ACE: variants seen among roughly 807,000 people sequenced by gnomAD.
ACE encodes the protein angiotensin I converting enzyme.
A neutral mutation model predicts 162.3 loss-of-function variants in ACE; 122 were observed. The observed-to-expected ratio is 0.75, with a 90% confidence interval of 0.65 to 0.87. The LOEUF is 0.87. Among genes scored for constraint, ACE ranks in the 40% least tolerant of loss-of-function variants. The pLI, the probability that ACE is intolerant of heterozygous loss-of-function variation, is 0.00. For missense variants in ACE, 1,799 were observed against 1,735.1 expected, an observed-to-expected ratio of 1.04 and a Z score of -0.65; for synonymous variants, 796 against 720.6, an observed-to-expected ratio of 1.10 and a Z score of -1.68.
chr17:63,497,532 G>T lies in ACE; in HGVS notation c.*166G>T, dbSNP rs1371273173. 7 of 723,628 alleles carry T rather than the reference G, an allele frequency of 9.7e-6. No homozygotes were observed. Among genetic ancestry groups the T allele is most frequent in the African/African-American group, 1.7e-5 (1 of 57,222 alleles). The allele number at this position is 723,628 out of a possible 1,614,324, so 44.8% of individuals were successfully genotyped here. A position where few individuals can be genotyped will look rare whatever the true frequency, so the allele number is the denominator to read the frequency against. ...GTCCTCCAGACCACCAGCCGCCCCA[G>T]CCCCTTCTCCCAGCACACGGCTGCC... On this transcript the variant is annotated 3_prime_UTR_variant, in exon 25 of 25. Coordinates refer to ENST00000290866, the MANE Select transcript of ACE (RefSeq NM_000789.4).
At chr17:63,480,313 C>G in intron 4 of ACE, 24 bp from the exon 5 acceptor site, 1 of 1,612,668 alleles carries the variant, frequency 6.2e-7, no homozygotes, top group Non-Finnish European at 8.5e-7. Context: ...GCCTGAGCTA[C>G]ATACCTCACC....
Position 63,477,265 on chromosome 17 carries a change from C to A in ACE, c.171C>A (p.Ala57=). Reference sequence around the variant, plus strand: ...TCGCGCAGAGCTACAACTCCAGCGCCGAACAGGTGCTGTTCCAGAGCGTGG... The same window carrying A: ...TCGCGCAGAGCTACAACTCCAGCGCAGAACAGGTGCTGTTCCAGAGCGTGG... The part of the protein sequence containing the change: ...QLFAQSYNSS[A]EQVLFQSVAA... Residue 57 remains alanine, a synonymous_variant, in exon 1 of 25, where the codon GCC becomes GCA. Transcript: ENST00000290866. The A allele has an allele frequency of 1.3e-6, 2 of 1,494,738 alleles. No homozygotes were observed. Among genetic ancestry groups the A allele is most frequent in the East Asian group, 2.9e-5 (1 of 34,914 alleles). The allele number at this position is 1,494,738 out of a possible 1,614,324, so 92.6% of individuals were successfully genotyped here.
intron 19 of ACE, among the ~76,000 whole-genome samples, chr17:63,492,321 C>T (rs1281256207): frequency 5.9e-5 from 9 of 152,236 alleles, no homozygotes; most frequent in African/African-American, 2.2e-4. Context: ...GTCACAAGTT[C>T]ACCCAGATTC....
chr17:63,481,518 C>A lies in ACE; in HGVS notation c.946-48C>A, dbSNP rs1391619574. On this transcript the variant is annotated intron_variant, in intron 6 of 24. Coordinates refer to ENST00000290866, the MANE Select transcript of ACE (RefSeq NM_000789.4). ...TGGGGACCCCAGCCCTGTCCCCAGG[C>A]CAGCCAGAGTGGGCTCCCCCTGACC... 3.1e-6 allele frequency: 5 copies of A among 1,606,376 alleles called. No individual in the cohort carries two copies. The South Asian group carries it at 4.4e-5, about 14-fold the overall frequency.
chr17:63,481,456 G>A, intron 6 of ACE, 110 bp from the exon 7 acceptor site: 1 of 1,251,824 alleles, frequency 8.0e-7, no homozygotes, highest in Non-Finnish European at 1.1e-6. Context: ...TGGCCACAGA[G>A]CAGAGAAGCT....
chr17:63,481,234 G>A (rs1251782770), intron 6 of ACE, 46 bp downstream of exon 6: 2 of 623,876 alleles, frequency 3.2e-6, no homozygotes, highest in Admixed American at 2.0e-5. Flanking sequence ...CGGGGGTGGG[G>A]CGCAAAAAAA....
At chr17:63,477,664 TCACCGC>T (rs1259092523) in intron 1 of ACE, 4 of 505,144 alleles carry the variant, frequency 7.9e-6, no homozygotes, top group African/African-American at 7.7e-5. Context: ...GCTGTCACCG[TCACCGC>T]ACTGCACTGT....
intron 4 of ACE, 67 bp from the exon 5 acceptor site, chr17:63,480,270 C>T (rs1419868829): frequency 5.1e-6 from 8 of 1,568,744 alleles, no homozygotes; most frequent in Non-Finnish European, 7.0e-6. Context: ...GAAGAGCCGA[C>T]TTACAGCTGA....
Position 63,484,899 on chromosome 17 carries a change from C to G in ACE, c.1922-337C>G. The G allele has an allele frequency of 6.3e-7, 1 of 1,591,768 alleles. No homozygotes were observed. The highest frequency in any genetic ancestry group is 8.6e-7 in the Non-Finnish European group (1 of 1,169,124). ...CAGGGTTGGGCTACTGCAGGACTTCCCAGCCTCCTCTTCCTGCTGCTCTGC... is the reference window on the plus strand; with the variant it reads ...CAGGGTTGGGCTACTGCAGGACTTCGCAGCCTCCTCTTCCTGCTGCTCTGC... On this transcript the variant is annotated intron_variant, in intron 12 of 24. Coordinates refer to ENST00000290866, the MANE Select transcript of ACE (RefSeq NM_000789.4). This position sits in a 1 kb window ranked among gnomAD's most constrained non-coding sequence, Gnocchi z 4.0.
Position 63,497,856 on chromosome 17 carries a change from TG to T in ACE, c.*491del. Reference sequence around the variant, plus strand: ...GGCAGCCCCTGTCTGGCCCAAGCACTGACCCACGCGGACTCTGGGAAGCAGA... The same window carrying T: ...GGCAGCCCCTGTCTGGCCCAAGCACTACCCACGCGGACTCTGGGAAGCAGA... On this transcript the variant is annotated 3_prime_UTR_variant, in exon 25 of 25. Coordinates refer to ENST00000290866, the MANE Select transcript of ACE (RefSeq NM_000789.4). The T allele has an allele frequency of 1.6e-5, 5 of 310,360 alleles. No homozygotes were observed. The highest frequency in any genetic ancestry group is 9.4e-5 in the Admixed American group (2 of 21,312). The allele number at this position is 310,360 out of a possible 1,614,324, so 19.2% of individuals were successfully genotyped here.
rs1391462420 is a variant in ACE, at chr17:63,484,017, C to G, written c.1709+46C>G. On this transcript the variant is annotated intron_variant, in intron 11 of 24. Transcript: ENST00000290866. The surrounding 1 kb of genome is among the most constrained non-coding windows in gnomAD (Gnocchi z 4.0). ...GGAAGTGGGAGGCAGAGAGGAGCGGCTGGCAAAGGGTGTGGCAGGAGGTGT... is the reference window on the plus strand; with the variant it reads ...GGAAGTGGGAGGCAGAGAGGAGCGGGTGGCAAAGGGTGTGGCAGGAGGTGT... 2 of 1,574,022 alleles carry G rather than the reference C, an allele frequency of 1.3e-6. No individual in the cohort carries two copies. Among genetic ancestry groups the G allele is most frequent in the Non-Finnish European group, 1.7e-6 (2 of 1,161,404 alleles).
chr17:63,484,092 G>A lies in ACE; in HGVS notation c.1709+121G>A, dbSNP rs2147537573. On this transcript the variant is annotated intron_variant, in intron 11 of 24. Coordinates refer to ENST00000290866, the MANE Select transcript of ACE (RefSeq NM_000789.4). The surrounding 1 kb of genome is among the most constrained non-coding windows in gnomAD (Gnocchi z 4.0). Reference sequence around the variant, plus strand: ...GCACCAACCACAGAGCTGGACTGATGTGGATGCCTGTCTCCTCGCTATGTC... The same window carrying A: ...GCACCAACCACAGAGCTGGACTGATATGGATGCCTGTCTCCTCGCTATGTC... The A allele has an allele frequency of 4.1e-6, 6 of 1,462,112 alleles. No individual in the cohort carries two copies. Among genetic ancestry groups the A allele is most frequent in the Non-Finnish European group, 5.5e-6 (6 of 1,089,402 alleles). 90.6% of individuals were successfully genotyped at this position (1,462,112 alleles called of 1,614,324 possible).
At position 63,484,784 on chromosome 17, in the gene ACE, C is replaced by T; in HGVS notation, c.1921+243C>T. The T allele has an allele frequency of 5.4e-6, 8 of 1,484,626 alleles. No individual in the cohort carries two copies. The highest frequency in any genetic ancestry group is 7.2e-6 in the Non-Finnish European group (8 of 1,118,414). 92.0% of individuals were successfully genotyped at this position (1,484,626 alleles called of 1,614,324 possible). A position where few individuals can be genotyped will look rare whatever the true frequency, so the allele number is the denominator to read the frequency against. On this transcript the variant is annotated intron_variant, in intron 12 of 24. Transcript: ENST00000290866. The surrounding 1 kb of genome is among the most constrained non-coding windows in gnomAD (Gnocchi z 4.0). Reference sequence around the variant, plus strand: ...CCCTCCCCTTCCAGAGGAAGCCAGACACAAGGCTCTGTGAGGTCACACTGC... The same window carrying T: ...CCCTCCCCTTCCAGAGGAAGCCAGATACAAGGCTCTGTGAGGTCACACTGC...
intron 15 of ACE, 115 bp from the exon 16 acceptor site, chr17:63,488,533 C>T (rs577350502): frequency 1.4e-5 from 16 of 1,107,908 alleles, no homozygotes; most frequent in Non-Finnish European, 2.0e-5. Flanking sequence ...GCTGCCTATA[C>T]AGTCACTTTT....
chr17:63,478,167 G>C, intron 2 of ACE, 69 bp downstream of exon 2: 1 of 1,536,764 alleles, frequency 6.5e-7, no homozygotes, highest in Non-Finnish European at 8.8e-7. Context: ...TCGGGGGAGA[G>C]CAGCCCATCA....
chr17:63,484,434 C>T lies in ACE; in HGVS notation c.1814C>T (p.Pro605Leu). The part of the protein sequence containing the change: ...DAQPLLKYFQ[P>L]VTQWLQEQNQ... Reference sequence around the variant, plus strand: ...CAGCCGCTGCTCAAGTACTTCCAGCCAGTCACCCAGTGGCTGCAGGAGCAG... The same window carrying T: ...CAGCCGCTGCTCAAGTACTTCCAGCTAGTCACCCAGTGGCTGCAGGAGCAG... The change falls in exon 12 of 25, where the codon CCA becomes CTA. Residue 605 changes from proline (P) to leucine (L), a missense_variant. Transcript: ENST00000290866. This position sits in a 1 kb window ranked among gnomAD's most constrained non-coding sequence, Gnocchi z 4.0. 1 of 1,612,600 alleles carries T rather than the reference C, an allele frequency of 6.2e-7. No individual in the cohort carries two copies. The highest frequency in any genetic ancestry group is 8.5e-7 in the Non-Finnish European group (1 of 1,179,934).
Position 63,497,633 on chromosome 17 carries a change from TC to T in ACE, c.*270del, listed in dbSNP as rs2030855585. On this transcript the variant is annotated 3_prime_UTR_variant, in exon 25 of 25. Transcript: ENST00000290866. Reference sequence around the variant, plus strand: ...CCTGCCCTCCCCATCTGAGTCTGTGTCCCTCACAGGGAAGCCAGGGACAGGG... The same window carrying T: ...CCTGCCCTCCCCATCTGAGTCTGTGTCCTCACAGGGAAGCCAGGGACAGGG... The T allele has an allele frequency of 1.5e-6, 1 of 664,010 alleles. No homozygotes were observed. 41.1% of individuals were successfully genotyped at this position (664,010 alleles called of 1,614,324 possible).
At position 63,493,966 on chromosome 17, in the gene ACE, G is replaced by T. The variant is rs773695336; in HGVS notation, c.3181G>T (p.Ala1061Ser). The change falls in exon 21 of 25, where the codon GCC (alanine) becomes TCC (serine). Residue 1061 changes from alanine (A) to serine (S), a missense_variant. Transcript: ENST00000290866. ...GATGAAGATGGCCCTTGACAAGATCGCCTTTATCCCCTTCAGCTACCTCGT... is the reference window on the plus strand; with the variant it reads ...GATGAAGATGGCCCTTGACAAGATCTCCTTTATCCCCTTCAGCTACCTCGT... ...FLMKMALDKI[A>S]FIPFSYLVDQ... 6.2e-7 allele frequency: 1 copy of T among 1,614,132 alleles called. No homozygotes were observed. Among genetic ancestry groups the T allele is most frequent in the Non-Finnish European group, 8.5e-7 (1 of 1,180,028 alleles).
intron 12 of ACE, 123 bp from the exon 13 acceptor site, chr17:63,485,113 G>A (rs373952696): frequency 8.7e-5 from 136 of 1,558,238 alleles, no homozygotes; most frequent in Non-Finnish European, 1.1e-4. Flanking sequence ...TGGGAGAGGC[G>A]GGGCCGGGTA....
Sources: allele counts gnomAD v4.1 joint callset (sites outside exome capture counted in the v4.1 genomes callset), GRCh38; gene constraint gnomAD v4.1.1; non-coding constraint Gnocchi (gnomAD v3.1); transcripts MANE v1.5; gene names NCBI Gene and HGNC (gene_info 2026-07-23, HGNC 2026-07-21).